EYS: variants seen among roughly 807,000 people sequenced by gnomAD.
The protein encoded by EYS is protein eyes shut homolog.
EYS carries 250 observed loss-of-function variants against 282.1 expected under a neutral mutation model. The observed-to-expected ratio is 0.89, with a 90% CI of 0.80 to 0.98. The LOEUF (loss-of-function observed/expected upper bound fraction) is 0.98, where lower values mean the gene tolerates loss of function less well. Ranked by LOEUF, EYS falls within the 50% of genes least tolerant of loss-of-function variation. EYS has a pLI of 0.00. For missense variants in EYS, 4,016 were observed against 3,709.0 expected (o/e 1.08, Z -2.15); for synonymous variants, 1,355 against 1,282.9 (o/e 1.06, Z -1.20).
At chr6:65,011,449 A>G (rs1027301265) in intron 13 of EYS, among the ~76,000 whole-genome samples, 1 of 152,164 alleles carries the variant, frequency 6.6e-6, no homozygotes, top group Non-Finnish European at 1.5e-5. Context: ...GCAGTCCATG[A>G]CTAAGGTCTA....
intron 26 of EYS, among the ~76,000 whole-genome samples, chr6:64,518,759 G>A (rs144850856): frequency 5.1e-4 from 77 of 149,676 alleles, no homozygotes; most frequent in African/African-American, 1.7e-3. Flanking sequence ...ACTCTAATGA[G>A]CTCTGACGGG....
intron 29 of EYS, among the ~76,000 whole-genome samples, chr6:64,360,556 C>A (rs1257002293): frequency 6.6e-6 from 1 of 151,704 alleles, no homozygotes; most frequent in African/African-American, 2.4e-5. Flanking sequence ...TTTTTCTCAG[C>A]TGTGAATACA....
At chr6:64,768,359 GTATATA>G (rs1464576557) in intron 22 of EYS, among the ~76,000 whole-genome samples, 1 of 152,104 alleles carries the variant, frequency 6.6e-6, no homozygotes, top group Non-Finnish European at 1.5e-5. Context: ...TTGCCTTCAT[GTATATA>G]TTTAGCAAGA....
intron 12 of EYS, among the ~76,000 whole-genome samples, chr6:65,128,056 G>A (rs1775770160): frequency 6.6e-6 from 1 of 151,882 alleles, no homozygotes; most frequent in Admixed American, 6.6e-5. Flanking sequence ...AGTAAATCTG[G>A]TCTTCCAGTA....
At chr6:64,760,880 G>C (rs543889062) in intron 22 of EYS, among the ~76,000 whole-genome samples, 1 of 152,222 alleles carries the variant, frequency 6.6e-6, no homozygotes, top group African/African-American at 2.4e-5. Context: ...GGTGGTACCA[G>C]TGAGGAATTG....
chr6:64,776,597 A>T (rs1478178832), intron 22 of EYS, among the ~76,000 whole-genome samples: 1 of 152,038 alleles, frequency 6.6e-6, no homozygotes, highest in East Asian at 1.9e-4. Context: ...TATCAGAAAT[A>T]TTAAGGCTAT....
At chr6:63,827,800 C>T (rs111483879) in intron 36 of EYS, among the ~76,000 whole-genome samples, 17,634 of 144,334 alleles carry the variant, frequency 0.12, 1,307 homozygotes, top group African/African-American at 0.2. Context: ...GCTGAGATTG[C>T]GCCACTGCAG....
chr6:64,863,672 G>C (rs146060984), intron 19 of EYS, among the ~76,000 whole-genome samples: 1 of 152,092 alleles, frequency 6.6e-6, no homozygotes, highest in Non-Finnish European at 1.5e-5. Flanking sequence ...TTTAAGTCAT[G>C]ATCATCTTTC....
intron 13 of EYS, among the ~76,000 whole-genome samples, chr6:65,039,506 T>C (rs1772869064): frequency 6.6e-6 from 1 of 151,532 alleles, no homozygotes; most frequent in African/African-American, 2.4e-5. Flanking sequence ...ATGTCAATTT[T>C]TAAAAAAAAC....
At position 65,416,746 on chromosome 6, in the gene EYS, G is replaced by A. The variant is rs183520086; in HGVS notation, c.863-11379C>T. On this transcript the variant is annotated intron_variant, in intron 5 of 42. Coordinates refer to ENST00000503581, the MANE Select transcript of EYS (RefSeq NM_001142800.2). Reference sequence around the variant, plus strand: ...TTAGTTGAGTATTTTATTCACTCAAGTTCGTTTTAGTCTACTTTCCTGTAA... The same window carrying A: ...TTAGTTGAGTATTTTATTCACTCAAATTCGTTTTAGTCTACTTTCCTGTAA... Among the ~76,000 whole-genome samples, 466 of 152,020 alleles carry A rather than the reference G, an allele frequency of 3.1e-3. 3 individuals carry two copies. The highest frequency in any genetic ancestry group is 0.011 in the African/African-American group (450 of 41,546).
intron 22 of EYS, among the ~76,000 whole-genome samples, chr6:64,728,448 C>T (rs530037798): frequency 6.6e-6 from 1 of 152,240 alleles, no homozygotes; most frequent in Non-Finnish European, 1.5e-5. Flanking sequence ...CATTCTCCTG[C>T]CTTAGCCTCC....
intron 2 of EYS, among the ~76,000 whole-genome samples, chr6:65,623,028 G>A (rs1004002885): frequency 1.3e-5 from 2 of 152,132 alleles, no homozygotes; most frequent in African/African-American, 4.8e-5. Context: ...AAAGTACTGA[G>A]ATTGTAGGCC....
intron 35 of EYS, among the ~76,000 whole-genome samples, chr6:63,954,464 T>C (rs1765726730): frequency 6.6e-6 from 1 of 152,156 alleles, no homozygotes; most frequent in Non-Finnish European, 1.5e-5. Flanking sequence ...CATGCTGTTA[T>C]ATGGGCAGAA....
intron 24 of EYS, among the ~76,000 whole-genome samples, chr6:64,609,443 A>G (rs1233941785): frequency 6.6e-6 from 1 of 152,168 alleles, no homozygotes; most frequent in Non-Finnish European, 1.5e-5. Context: ...GGGCTACAGT[A>G]CAGGGTTAGA....
intron 31 of EYS, among the ~76,000 whole-genome samples, chr6:64,133,515 C>CAGAG (rs879398649): frequency 8.0e-5 from 12 of 149,610 alleles, no homozygotes; most frequent in African/African-American, 2.7e-4. Flanking sequence ...CACACACACA[C>CAGAG]AGAGAAATCC....
intron 22 of EYS, among the ~76,000 whole-genome samples, chr6:64,799,723 T>C (rs1411911939): frequency 2.0e-5 from 3 of 150,984 alleles, no homozygotes; most frequent in Non-Finnish European, 4.4e-5. Flanking sequence ...TGTATCTCTC[T>C]ATCTCAAATA....
chr6:64,837,816 C>T (rs1210687210), intron 19 of EYS, among the ~76,000 whole-genome samples: 2 of 150,778 alleles, frequency 1.3e-5, no homozygotes, highest in Non-Finnish European at 3.0e-5. Context: ...TAATAGCAAA[C>T]TATCTGAAAA....
chr6:64,714,919 G>A (rs1771335714), intron 22 of EYS, among the ~76,000 whole-genome samples: 1 of 152,022 alleles, frequency 6.6e-6, no homozygotes, highest in South Asian at 2.1e-4. Context: ...CGTGTATAAA[G>A]TGCCGCTTGA....
intron 30 of EYS, among the ~76,000 whole-genome samples, chr6:64,271,460 T>G (rs907115955): frequency 6.6e-6 from 1 of 152,190 alleles, no homozygotes; most frequent in Non-Finnish European, 1.5e-5. Flanking sequence ...GACATTCTCA[T>G]TTGTAGCATA....
Sources: allele counts gnomAD v4.1 joint callset (sites outside exome capture counted in the v4.1 genomes callset), GRCh38; gene constraint gnomAD v4.1.1; transcripts MANE v1.5; gene names NCBI Gene and HGNC (gene_info 2026-07-23, HGNC 2026-07-21).